ABCB5: variants seen among roughly 807,000 people sequenced by gnomAD.
ABCB5 encodes ATP-binding cassette sub-family B member 5.
Under a neutral mutation model 144.2 loss-of-function variants are expected in ABCB5, and 155 were observed. That is an observed-to-expected ratio of 1.08 (90% CI 0.94 to 1.23). The LOEUF (loss-of-function observed/expected upper bound fraction) is 1.23, where lower values mean the gene tolerates loss of function less well. Ranked by LOEUF, ABCB5 falls within the 50% of genes most tolerant of loss-of-function variation. The probability of loss-of-function intolerance (pLI) is 0.00; values close to 1 mark genes in which losing one functional copy is unlikely to be tolerated. For missense variants in ABCB5, 1,830 were observed against 1,520.8 expected (o/e 1.20, Z -3.38); for synonymous variants, 610 against 528.6 (o/e 1.15, Z -2.11).
intron 4 of ABCB5, among the ~76,000 whole-genome samples, chr7:20,630,412 G>C (rs920593056): frequency 3.3e-5 from 5 of 151,108 alleles, no homozygotes; most frequent in Non-Finnish European, 7.4e-5. Flanking sequence ...AATCTTTAAA[G>C]CAAAAAAAAA....
At chr7:20,735,578 C>G (rs955430671) in intron 23 of ABCB5, among the ~76,000 whole-genome samples, 1 of 152,120 alleles carries the variant, frequency 6.6e-6, no homozygotes, top group East Asian at 1.9e-4. Context: ...AGAGATTATC[C>G]GGAAGAGACA....
In ABCB5 at chr7:20,651,413, T is replaced by C; in HGVS notation, c.1333-7T>C. ...ATCACAACATGGTTCATTCTTTGGA[T>C]TGGCAGATCATGGTGGATGAGAATG... On this transcript the variant is annotated splice_polypyrimidine_tract_variant and splice_region_variant and intron_variant, in intron 12 of 27. Coordinates refer to ENST00000404938, the MANE Select transcript of ABCB5 (RefSeq NM_001163941.2). 6.2e-7 allele frequency: 1 copy of C among 1,613,982 alleles called. No homozygotes were observed. The highest frequency in any genetic ancestry group is 8.5e-7 in the Non-Finnish European group (1 of 1,179,924).
intron 5 of ABCB5, among the ~76,000 whole-genome samples, chr7:20,633,184 A>G (rs1261897039): frequency 6.6e-6 from 1 of 152,108 alleles, no homozygotes; most frequent in African/African-American, 2.4e-5. Context: ...ATCCAAACAA[A>G]AAATTGTAAA....
chr7:20,659,446 T>C (rs909377029), intron 14 of ABCB5: 1 of 1,109,354 alleles, frequency 9.0e-7, no homozygotes, highest in Non-Finnish European at 1.1e-6. Flanking sequence ...ATGCTGACTT[T>C]ATGGAACCAG....
chr7:20,659,422 C>A, intron 14 of ABCB5: 1 of 1,154,084 alleles, frequency 8.7e-7, no homozygotes, highest in African/African-American at 1.6e-5. Context: ...AAATCGCAGG[C>A]TTCTTTTTTT....
chr7:20,640,475 G>A (rs1784272286), intron 5 of ABCB5, among the ~76,000 whole-genome samples: 1 of 152,126 alleles, frequency 6.6e-6, no homozygotes, highest in Non-Finnish European at 1.5e-5. Context: ...TTTCTAGATA[G>A]GGCACGTCAC....
chr7:20,717,867 A>C (rs1781729631), intron 20 of ABCB5, among the ~76,000 whole-genome samples: 1 of 141,258 alleles, frequency 7.1e-6, no homozygotes, highest in Admixed American at 7.3e-5. Flanking sequence ...AAATACGGTA[A>C]CATTCTTGTA....
At chr7:20,660,274 T>C (rs1195579924) in intron 14 of ABCB5, 10 of 985,174 alleles carry the variant, frequency 1.0e-5, no homozygotes, top group Non-Finnish European at 1.1e-5. Flanking sequence ...AGGCAATATA[T>C]GAAAATAATA....
At chr7:20,692,103 T>G (rs1200198187) in intron 16 of ABCB5, among the ~76,000 whole-genome samples, 1 of 152,148 alleles carries the variant, frequency 6.6e-6, no homozygotes, top group Non-Finnish European at 1.5e-5. Context: ...TTTGCCAATT[T>G]GATGAAAACT....
intron 13 of ABCB5, among the ~76,000 whole-genome samples, chr7:20,657,776 TC>T (rs1784858089): frequency 6.6e-6 from 1 of 152,194 alleles, no homozygotes; most frequent in South Asian, 2.1e-4. Flanking sequence ...GTAAATTTCT[TC>T]AAAAAGCCTG....
chr7:20,669,724 A>T (rs2390361), intron 14 of ABCB5, among the ~76,000 whole-genome samples: 68 of 81,896 alleles, frequency 8.3e-4, no homozygotes, highest in African/African-American at 3.8e-3. Flanking sequence ...AATGATCAAT[A>T]AAAAAAAAAA....
At chr7:20,690,748 C>T (rs1326698965) in intron 16 of ABCB5, among the ~76,000 whole-genome samples, 1 of 152,094 alleles carries the variant, frequency 6.6e-6, no homozygotes, top group Non-Finnish European at 1.5e-5. Context: ...CAGGACCCTG[C>T]ACCATTTAGA....
In ABCB5 at chr7:20,650,203, G is replaced by A. The variant is rs191778178; in HGVS notation, c.1332+56G>A. On this transcript the variant is annotated intron_variant, in intron 12 of 27. Transcript: ENST00000404938. Reference sequence around the variant, plus strand: ...CCACCTAATGGAATCTGGAAACACCGCAGGGCTGGCAGCTCTGTAACTTTT... The same window carrying A: ...CCACCTAATGGAATCTGGAAACACCACAGGGCTGGCAGCTCTGTAACTTTT... 2,542 of 1,580,086 alleles carry A rather than the reference G, an allele frequency of 1.6e-3. 72 individuals carry two copies. In the Admixed American group the frequency reaches 0.042, roughly 26 times the overall value.
In ABCB5 at chr7:20,728,455, T is replaced by C. The variant is rs959393267; in HGVS notation, c.2867T>C (p.Ile956Thr). 5.0e-6 allele frequency: 8 copies of C among 1,613,798 alleles called. No homozygotes were observed. The African/African-American group carries it at 8.0e-5, about 16-fold the overall frequency. ...AGRMTPEGMF[I>T]VFTAIAYGAM... ...CGAATGACCCCAGAGGGCATGTTCATGTAAGTCGTGGAAATAGTCCGGACC... is the reference window on the plus strand; with the variant it reads ...CGAATGACCCCAGAGGGCATGTTCACGTAAGTCGTGGAAATAGTCCGGACC... Residue 956 changes from isoleucine to threonine, a missense_variant and splice_region_variant, in exon 23 of 28, where the codon ATA becomes ACA. Physicochemically the swap from Ile to Thr is moderately conservative, Grantham distance 89. Transcript: ENST00000404938.
At chr7:20,737,482 G>A (rs1782418733) in intron 23 of ABCB5, among the ~76,000 whole-genome samples, 1 of 152,144 alleles carries the variant, frequency 6.6e-6, no homozygotes, top group African/African-American at 2.4e-5. Context: ...ACCTAACAAG[G>A]ATGTCTGCCT....
chr7:20,727,020 G>A lies in ABCB5; in HGVS notation c.2626-20G>A. 1 of 1,545,486 alleles carries A rather than the reference G, an allele frequency of 6.5e-7. No individual in the cohort carries two copies. The highest frequency in any genetic ancestry group is 8.9e-7 in the Non-Finnish European group (1 of 1,124,660). On this transcript the variant is annotated intron_variant, in intron 21 of 27. Transcript: ENST00000404938. ...CCATTACTAATTTTATTTCTATATTGTATTGTCCTGTTTTATAAGATAGCA... is the reference window on the plus strand; with the variant it reads ...CCATTACTAATTTTATTTCTATATTATATTGTCCTGTTTTATAAGATAGCA...
At chr7:20,729,641 A>G (rs1229590968) in intron 23 of ABCB5, among the ~76,000 whole-genome samples, 1 of 152,258 alleles carries the variant, frequency 6.6e-6, no homozygotes, top group African/African-American at 2.4e-5. Flanking sequence ...CTAAAATATC[A>G]GAAATGTTGC....
intron 14 of ABCB5, among the ~76,000 whole-genome samples, chr7:20,675,259 G>A (rs1785564862): frequency 6.6e-6 from 1 of 152,054 alleles, no homozygotes; most frequent in Non-Finnish European, 1.5e-5. Flanking sequence ...CAAAGTTATA[G>A]TAATTAAAAC....
rs368158449 is a variant in ABCB5, at chr7:20,753,375, G to T, written c.3445G>T (p.Val1149Phe). The change falls in exon 27 of 28, where the codon GTT (valine) becomes TTT (phenylalanine). Residue 1149 changes from valine (V) to phenylalanine (F), a missense_variant. By Grantham distance (50) the Val-to-Phe change is conservative. Transcript: ENST00000404938. The part of the protein sequence containing the change: ...EGLPEKYNTQ[V>F]GLKGAQLSGG... The stretch of plus-strand genomic sequence containing the variant: ...CCTGTGATAGAAATACAACACACAA[G>T]TTGGACTGAAAGGAGCACAGCTTTC... The T allele has an allele frequency of 6.2e-7, 1 of 1,613,052 alleles. No homozygotes were observed. Among genetic ancestry groups the T allele is most frequent in the Non-Finnish European group, 8.5e-7 (1 of 1,179,448 alleles).
Sources: allele counts gnomAD v4.1 joint callset (sites outside exome capture counted in the v4.1 genomes callset), GRCh38; gene constraint gnomAD v4.1.1; transcripts MANE v1.5; gene names NCBI Gene and HGNC (gene_info 2026-07-23, HGNC 2026-07-21).